Variants in PON2 observed in about 807,000 individuals in gnomAD.
The protein encoded by PON2 is paraoxonase 2.
Under a neutral mutation model 36.6 loss-of-function variants are expected in PON2, and 27 were observed. The observed-to-expected ratio is 0.74, with a 90% confidence interval of 0.54 to 1.02. PON2 has a LOEUF of 1.02. PON2 is among the 50% of genes least tolerant of loss of function. The probability of loss-of-function intolerance (pLI) is 0.00; values close to 1 mark genes in which losing one functional copy is unlikely to be tolerated. For missense variants in PON2, 363 were observed against 421.1 expected (o/e 0.86, Z 1.21); for synonymous variants, 149 against 156.3 (o/e 0.95, Z 0.35).
chr7:95,424,206 C>T, intron 2 of PON2: 3 of 389,472 alleles, frequency 7.7e-6, no homozygotes, highest in Non-Finnish European at 1.4e-5. Flanking sequence ...AGAACACAGA[C>T]TGCAGCGGCC....
At chr7:95,422,114 G>A (rs936155402) in intron 2 of PON2, among the ~76,000 whole-genome samples, 3 of 152,338 alleles carry the variant, frequency 2.0e-5, no homozygotes, top group South Asian at 4.1e-4. Context: ...GCAAAAAACT[G>A]TAACAACCCA....
In PON2 at chr7:95,423,598, C is replaced by T. The variant is rs994548215; in HGVS notation, c.145+917G>A. ...AACCCCTACTCAAAGACTCAGACTCCACAATACATCCTACATAAAGTCAAG... is the reference window on the plus strand; with the variant it reads ...AACCCCTACTCAAAGACTCAGACTCTACAATACATCCTACATAAAGTCAAG... On this transcript the variant is annotated intron_variant, in intron 2 of 8. Coordinates refer to ENST00000222572, the MANE Select transcript of PON2 (RefSeq NM_000305.3). Among the ~76,000 whole-genome samples, 8 of 152,218 alleles carry T rather than the reference C, an allele frequency of 5.3e-5. No individual in the cohort carries two copies. The South Asian group carries it at 1.7e-3, about 32-fold the overall frequency.
At chr7:95,417,838 T>TACAATGCCTAC (rs3831551) in intron 2 of PON2, among the ~76,000 whole-genome samples, 1 of 151,570 alleles carries the variant, frequency 6.6e-6, no homozygotes, top group Non-Finnish European at 1.5e-5. Flanking sequence ...TTTCCAAGTA[T>TACAATGCCTAC]ACACGTGGAA....
At position 95,415,755 on chromosome 7, in the gene PON2, C is replaced by G. The variant is rs17876197; in HGVS notation, c.201+487G>C. 8.5e-3 allele frequency: 1,501 copies of G among 175,934 alleles called. 19 individuals carry two copies. The highest frequency in any genetic ancestry group is 0.028 in the South Asian group (224 of 8,136). The allele number at this position is 175,934 out of a possible 1,614,324, so 10.9% of individuals were successfully genotyped here. On this transcript the variant is annotated intron_variant, in intron 3 of 8. Transcript: ENST00000222572. ...TCACCTGAGGTCAGGTGTTTGAGAC[C>G]AGCCTGGCCAACACGGCGAAACCCC...
chr7:95,416,746 A>G (rs1054211161), intron 2 of PON2, among the ~76,000 whole-genome samples: 2 of 152,228 alleles, frequency 1.3e-5, no homozygotes, highest in African/African-American at 4.8e-5. Flanking sequence ...GAGGTAAAAC[A>G]CCTGGGATTA....
rs1788881296 is a variant in PON2 at position 95,409,976 on chromosome 7, T to C, written c.620A>G (p.Tyr207Cys). ...TACCACTTTAACTTCATTTGGACTG[T>C]AGTAAACAACATTTGCCCAGTGTAA... ...LNLHWANVVY[Y>C]SPNEVKVVAE... The change falls in exon 6 of 9, where the codon TAC becomes TGC. Residue 207 changes from tyrosine (Y) to cysteine (C), a missense_variant. Tyr to Cys is a radical substitution (Grantham distance 194). Transcript: ENST00000222572. 1 of 1,613,932 alleles carries C rather than the reference T, an allele frequency of 6.2e-7. No homozygotes were observed. The highest frequency in any genetic ancestry group is 2.2e-5 in the East Asian group (1 of 44,868).
At chr7:95,420,345 A>G (rs1281475565) in intron 2 of PON2, among the ~76,000 whole-genome samples, 2 of 152,222 alleles carry the variant, frequency 1.3e-5, no homozygotes, top group African/African-American at 4.8e-5. Context: ...CATTTAGAAA[A>G]TCAGATTTTT....
intron 7 of PON2, among the ~76,000 whole-genome samples, chr7:95,406,596 G>A (rs1373783552): frequency 1.3e-5 from 2 of 152,202 alleles, no homozygotes; most frequent in East Asian, 3.8e-4. Flanking sequence ...TGTTGAGTAG[G>A]AAGAAAATAA....
At chr7:95,421,401 T>A (rs1789189411) in intron 2 of PON2, among the ~76,000 whole-genome samples, 1 of 152,246 alleles carries the variant, frequency 6.6e-6, no homozygotes, top group African/African-American at 2.4e-5. Context: ...AATTATTAAC[T>A]CAGCAGCAAA....
chr7:95,405,273 A>G lies in PON2; in HGVS notation c.*57T>C. On this transcript the variant is annotated 3_prime_UTR_variant, in exon 9 of 9. Coordinates refer to ENST00000222572, the MANE Select transcript of PON2 (RefSeq NM_000305.3). ...TTGCTGGTTAAATTCCCTCAGAATT[A>G]GCAATTCATAGAAAATTAATTGTTA... 6.4e-7 allele frequency: 1 copy of G among 1,556,816 alleles called. No individual in the cohort carries two copies. Among genetic ancestry groups the G allele is most frequent in the Non-Finnish European group, 8.8e-7 (1 of 1,130,450 alleles).
At chr7:95,416,975 C>T (rs1181780080) in intron 2 of PON2, among the ~76,000 whole-genome samples, 2 of 152,212 alleles carry the variant, frequency 1.3e-5, no homozygotes, top group African/African-American at 2.4e-5. Context: ...GCAGTACACT[C>T]CACACAGCAC....
intron 5 of PON2, 73 bp downstream of exon 5, chr7:95,411,580 C>T: frequency 6.4e-7 from 1 of 1,572,054 alleles, no homozygotes; most frequent in Non-Finnish European, 8.7e-7. Context: ...TAAAAGATGA[C>T]AGGACAACCC....
chr7:95,417,406 C>T (rs1408315645), intron 2 of PON2, among the ~76,000 whole-genome samples: 1 of 152,064 alleles, frequency 6.6e-6, no homozygotes, highest in Non-Finnish European at 1.5e-5. Flanking sequence ...CGGAGGAGTT[C>T]TCAATCTGGG....
intron 2 of PON2, 175 bp downstream of exon 2, chr7:95,424,340 G>T: frequency 1.6e-6 from 1 of 621,754 alleles, no homozygotes; most frequent in Non-Finnish European, 2.9e-6. Flanking sequence ...GGGTAGGAAA[G>T]AAGAATAAAT....
At chr7:95,425,134 T>C (rs2116497723) in intron 1 of PON2, among the ~76,000 whole-genome samples, 1 of 152,320 alleles carries the variant, frequency 6.6e-6, no homozygotes, top group Non-Finnish European at 1.5e-5. Context: ...AATAAGAATG[T>C]ATTTATCTTA....
intron 2 of PON2, among the ~76,000 whole-genome samples, chr7:95,422,470 C>T (rs890476122): frequency 6.6e-6 from 1 of 151,994 alleles, no homozygotes; most frequent in African/African-American, 2.4e-5. Context: ...GAACTTTGCA[C>T]AAAAAATACT....
chr7:95,424,407 T>C, intron 2 of PON2, 108 bp downstream of exon 2: 1 of 891,372 alleles, frequency 1.1e-6, no homozygotes, highest in Admixed American at 1.8e-5. Flanking sequence ...TCTAATGTGA[T>C]TTATCCACTG....
chr7:95,411,744 C>G lies in PON2; in HGVS notation c.403G>C (p.Glu135Gln). ...TVYLFVVNHPEFKNTVEIFKF... is the reference protein window; with the variant it reads ...TVYLFVVNHPQFKNTVEIFKF... ...AAAATTTCCACTGTATTCTTGAATT[C>G]TGGGTGGTTTACAACAAAGAGATAA... The change falls in exon 5 of 9, where the codon GAA (glutamate) becomes CAA (glutamine). Residue 135 changes from glutamate (E) to glutamine (Q), a missense_variant. Physicochemically the swap from Glu to Gln is conservative, Grantham distance 29. Transcript: ENST00000222572. The G allele has an allele frequency of 2.5e-6, 4 of 1,613,486 alleles. No homozygotes were observed. The highest frequency in any genetic ancestry group is 3.4e-6 in the Non-Finnish European group (4 of 1,179,602).
At chr7:95,416,180 A>G in intron 3 of PON2, 62 bp downstream of exon 3, 2 of 1,610,726 alleles carry the variant, frequency 1.2e-6, no homozygotes, top group Non-Finnish European at 1.7e-6. Context: ...ACTGTTCTGC[A>G]GCCCTCATCA....
Sources: gnomAD v4.1 joint callset for allele counts (sites outside exome capture counted in the v4.1 genomes callset) on GRCh38, gnomAD v4.1.1 for gene constraint, MANE v1.5 for transcripts, NCBI Gene and HGNC (gene_info 2026-07-23, HGNC 2026-07-21) for gene names.